NHS: variants seen among roughly 807,000 people sequenced by gnomAD.
NHS encodes NHS actin remodeling regulator, also known as actin remodeling regulator NHS.
Under a neutral mutation model 72.5 loss-of-function variants are expected in NHS, and 5 were observed. The ratio of observed to expected loss-of-function variants is 0.07; its 90% confidence interval spans 0.04 to 0.14. The LOEUF is 0.14. Ranked by LOEUF, NHS falls within the 10% of genes least tolerant of loss-of-function variation. The probability of loss-of-function intolerance (pLI) is 1.00; values close to 1 mark genes in which losing one functional copy is unlikely to be tolerated. For missense variants in NHS, 1,072 were observed against 1,355.7 expected, an observed-to-expected ratio of 0.79 and a Z score of 3.29; for synonymous variants, 464 against 547.7, an observed-to-expected ratio of 0.85 and a Z score of 2.13.
At chrX:17,435,704 T>G in intron 1 of NHS, among the ~76,000 whole-genome samples, 1 of 112,865 alleles carries the variant, frequency 8.9e-6, no homozygotes, top group South Asian at 3.7e-4. Flanking sequence ...AGTTGCAGCA[T>G]CAGAATTGTC....
At chrX:17,593,067 A>T in intron 1 of NHS, among the ~76,000 whole-genome samples, 1 of 112,492 alleles carries the variant, frequency 8.9e-6, no homozygotes, top group East Asian at 2.8e-4. Flanking sequence ...GAAAAGCAGC[A>T]GCATGTAATG....
chrX:17,537,036 C>G (rs766841614), intron 1 of NHS, among the ~76,000 whole-genome samples: 5 of 112,062 alleles, frequency 4.5e-5, no homozygotes, highest in Admixed American at 1.9e-4. Flanking sequence ...GAAATAGCAG[C>G]AAAGTCTTGC....
intron 1 of NHS, among the ~76,000 whole-genome samples, chrX:17,669,466 T>C (rs909107948): frequency 8.0e-4 from 90 of 112,309 alleles, no homozygotes; most frequent in African/African-American, 2.4e-3. Flanking sequence ...GGTCTGATGT[T>C]TCTGGGGACT....
intron 1 of NHS, among the ~76,000 whole-genome samples, chrX:17,437,772 T>C (rs181682735): frequency 2.4e-3 from 267 of 112,003 alleles, no homozygotes; most frequent in African/African-American, 8.4e-3. Flanking sequence ...AGGACTGTCA[T>C]GAGGATTCAA....
chrX:17,570,257 G>C (rs1176124991), intron 1 of NHS, among the ~76,000 whole-genome samples: 1 of 112,062 alleles, frequency 8.9e-6, no homozygotes, highest in Non-Finnish European at 1.9e-5. Context: ...AAATTACTTT[G>C]AGCAGTAAGG....
chrX:17,535,706 G>C (rs2065219895), intron 1 of NHS, among the ~76,000 whole-genome samples: 1 of 111,180 alleles, frequency 9.0e-6, no homozygotes, highest in African/African-American at 3.3e-5. Context: ...AGCCCCCCAA[G>C]TAGCTGGGAC....
At chrX:17,615,201 T>TAC (rs1476750103) in intron 1 of NHS, among the ~76,000 whole-genome samples, 3 of 92,792 alleles carry the variant, frequency 3.2e-5, no homozygotes, top group African/African-American at 9.2e-5. Flanking sequence ...TACACATATA[T>TAC]ACGTATATAT....
At chrX:17,591,888 C>A (rs2065604617) in intron 1 of NHS, among the ~76,000 whole-genome samples, 1 of 111,582 alleles carries the variant, frequency 9.0e-6, no homozygotes. Flanking sequence ...CTGCCTTTAT[C>A]TGAGGTGGCC....
chrX:17,452,587 C>T (rs757970743), intron 1 of NHS, among the ~76,000 whole-genome samples: 3 of 110,767 alleles, frequency 2.7e-5, no homozygotes, highest in Admixed American at 9.6e-5. Context: ...TCAGCTTTGA[C>T]TTCCAACTGT....
intron 1 of NHS, among the ~76,000 whole-genome samples, chrX:17,548,854 GC>G (rs1342242739): frequency 9.0e-6 from 1 of 111,000 alleles, no homozygotes; most frequent in Non-Finnish European, 1.9e-5. Context: ...GGGGATGGCT[GC>G]CCCCCCTTGC....
rs1034851756 is a variant in NHS at position 17,462,649 on chromosome X, C to T, written c.565+86327C>T. Among the ~76,000 whole-genome samples, 26 of 111,554 alleles carry T rather than the reference C, an allele frequency of 2.3e-4. 1 individual carries two copies. Among genetic ancestry groups the T allele is most frequent in the Admixed American group, 1.7e-3 (18 of 10,520 alleles). On this transcript the variant is annotated intron_variant, in intron 1 of 8. Coordinates refer to ENST00000676302, the MANE Select transcript of NHS (RefSeq NM_001291867.2). ...TGATCCATCAAAGACTGCTTTTATC[C>T]CCATTTCACAGATGAGGAAACCAAA... is the stretch of plus-strand genomic sequence containing the variant.
rs754407699 is a variant in NHS at position 17,727,386 on chromosome X, C to T, written c.3280C>T (p.Leu1094Phe). The change falls in exon 7 of 9, where the codon CTT (leucine) becomes TTT (phenylalanine). Residue 1094 changes from leucine (L) to phenylalanine (F), a missense_variant. Transcript: ENST00000676302. ...IPPTHLDLSA[L>F]HNVLNKPFHH... Reference sequence around the variant, plus strand: ...TCCTACCCATCTTGATCTAAGTGCTCTTCATAATGTCTTGAACAAACCATT... The same window carrying T: ...TCCTACCCATCTTGATCTAAGTGCTTTTCATAATGTCTTGAACAAACCATT... The T allele has an allele frequency of 2.5e-5, 30 of 1,209,394 alleles. No individual in the cohort carries two copies. Among genetic ancestry groups the T allele is most frequent in the Non-Finnish European group, 3.4e-5 (30 of 894,566 alleles).
intron 1 of NHS, among the ~76,000 whole-genome samples, chrX:17,671,129 C>T (rs925276103): frequency 2.7e-5 from 3 of 112,500 alleles, no homozygotes; most frequent in East Asian, 5.6e-4. Flanking sequence ...GAAGAGAAAT[C>T]AAACTCACCC....
Position 17,723,133 on chromosome X carries a change from G to C in NHS, c.1109-1166G>C, listed in dbSNP as rs774312776. On this transcript the variant is annotated intron_variant, in intron 5 of 8. Transcript: ENST00000676302. ...TTAGTAAGAATTCTCCAATAATATT[G>C]TAATTATTCATCATATGATATCTCA... Among the ~76,000 whole-genome samples the C allele has an allele frequency of 8.0e-5, 9 of 112,141 alleles. No homozygotes were observed. The East Asian group carries it at 2.5e-3, about 31-fold the overall frequency.
At chrX:17,447,775 A>G (rs6629223) in intron 1 of NHS, among the ~76,000 whole-genome samples, 1 of 89,304 alleles carries the variant, frequency 1.1e-5, no homozygotes, top group African/African-American at 4.6e-5. Flanking sequence ...ACACACACGC[A>G]CACACACACG....
chrX:17,420,993 A>C (rs768875649), intron 1 of NHS, among the ~76,000 whole-genome samples: 1 of 110,962 alleles, frequency 9.0e-6, no homozygotes, highest in Admixed American at 9.6e-5. Flanking sequence ...GTGTTACATG[A>C]AGGGGGCTAC....
At chrX:17,595,287 T>G (rs757139260) in intron 1 of NHS, among the ~76,000 whole-genome samples, 1 of 111,714 alleles carries the variant, frequency 9.0e-6, no homozygotes, top group South Asian at 3.8e-4. Context: ...ATAGACACTT[T>G]CCCTACCCAT....
At chrX:17,728,625 A>G (rs1437706096) in intron 7 of NHS, 24 bp from the exon 8 acceptor site, 12 of 1,207,611 alleles carry the variant, frequency 9.9e-6, no homozygotes, top group Non-Finnish European at 1.3e-5. Context: ...TTCCTCTTAA[A>G]GATTCTTCTG....
At chrX:17,559,715 T>G (rs191047385) in intron 1 of NHS, among the ~76,000 whole-genome samples, 741 of 111,579 alleles carry the variant, frequency 6.6e-3, no homozygotes, top group Non-Finnish European at 9.9e-3. Flanking sequence ...AGTCCAGACA[T>G]GCAAGGGAAT....
Sources: allele counts gnomAD v4.1 joint callset (sites outside exome capture counted in the v4.1 genomes callset), GRCh38; gene constraint gnomAD v4.1.1; transcripts MANE v1.5; gene names NCBI Gene and HGNC (gene_info 2026-07-23, HGNC 2026-07-21).